RAPGEF1: variants seen among roughly 807,000 people sequenced by gnomAD.
RAPGEF1 encodes the protein Rap guanine nucleotide exchange factor 1, also known as CRK SH3-binding GNRP.
RAPGEF1 carries 33 observed loss-of-function variants against 143.3 expected under a neutral mutation model. The ratio of observed to expected loss-of-function variants is 0.23; its 90% confidence interval spans 0.17 to 0.31. The LOEUF (loss-of-function observed/expected upper bound fraction) is 0.31, where lower values mean the gene tolerates loss of function less well. RAPGEF1 is among the 10% of genes least tolerant of loss of function. The pLI, the probability that RAPGEF1 is intolerant of heterozygous loss-of-function variation, is 1.00. For missense variants in RAPGEF1, 1,199 were observed against 1,645.4 expected (o/e 0.73, Z 4.69); for synonymous variants, 629 against 676.5 (o/e 0.93, Z 1.09).
intron 16 of RAPGEF1, among the ~76,000 whole-genome samples, chr9:131,596,904 C>T (rs1406004871): frequency 6.6e-6 from 1 of 152,226 alleles, no homozygotes; most frequent in East Asian, 1.9e-4. Flanking sequence ...CAAGGTTCTT[C>T]TGTGGGGCCC....
rs986046271 is a variant in RAPGEF1, at chr9:131,675,219, C to T, written c.62-24270G>A. 1.3e-5 allele frequency among the ~76,000 whole-genome samples: 2 copies of T among 152,080 alleles called. No homozygotes were observed. Among genetic ancestry groups the T allele is most frequent in the Non-Finnish European group, 2.9e-5 (2 of 68,014 alleles). ...CTGTATTTCTCGTGGGGATGAGGCA[C>T]GGACCGAGGGGAAAATGCTCCCAGC... On this transcript the variant is annotated intron_variant, in intron 1 of 26. Transcript: ENST00000683357. The surrounding 1 kb of genome is among the most constrained non-coding windows in gnomAD (Gnocchi z 4.6).
intron 1 of RAPGEF1, among the ~76,000 whole-genome samples, chr9:131,739,016 T>A (rs1432615370): frequency 6.6e-6 from 1 of 152,172 alleles, no homozygotes; most frequent in Non-Finnish European, 1.5e-5. Context: ...AATTCGCATT[T>A]GCCCTGCAAG....
Position 131,579,372 on chromosome 9 carries a change from C to T in RAPGEF1, c.*125G>A. 1 of 1,361,784 alleles carries T rather than the reference C, an allele frequency of 7.3e-7. No individual in the cohort carries two copies. Among genetic ancestry groups the T allele is most frequent in the Admixed American group, 2.3e-5 (1 of 43,834 alleles). The allele number at this position is 1,361,784 out of a possible 1,614,324, so 84.4% of individuals were successfully genotyped here. A position where few individuals can be genotyped will look rare whatever the true frequency, so the allele number is the denominator to read the frequency against. On this transcript the variant is annotated 3_prime_UTR_variant, in exon 27 of 27. Coordinates refer to ENST00000683357, the MANE Select transcript of RAPGEF1 (RefSeq NM_001377935.1). Reference sequence around the variant, plus strand: ...AGCTCCCGCCCGGCCCCGCTGAGGGCTGGCCAGCCTCATGGCTCCGAGGCC... The same window carrying T: ...AGCTCCCGCCCGGCCCCGCTGAGGGTTGGCCAGCCTCATGGCTCCGAGGCC...
At position 131,584,490 on chromosome 9, in the gene RAPGEF1, G is replaced by A; in HGVS notation, c.3312+28C>T. ...TCCCAGAGCAGGGACTGATGATGGG[G>A]GCCTGGGAAGGACTTGGCCACCATT... On this transcript the variant is annotated intron_variant, in intron 23 of 26. Transcript: ENST00000683357. The surrounding 1 kb of genome is among the most constrained non-coding windows in gnomAD (Gnocchi z 6.8). 1.2e-6 allele frequency: 2 copies of A among 1,613,508 alleles called. No individual in the cohort carries two copies. Among genetic ancestry groups the A allele is most frequent in the Non-Finnish European group, 1.7e-6 (2 of 1,179,414 alleles).
At chr9:131,643,039 G>T (rs950221212) in intron 4 of RAPGEF1, among the ~76,000 whole-genome samples, 200 bp downstream of exon 4, 1 of 152,188 alleles carries the variant, frequency 6.6e-6, no homozygotes, top group African/African-American at 2.4e-5. Flanking sequence ...TGTGTCCCGG[G>T]CTTCAGGAGT....
At chr9:131,580,622 G>A (rs1186184627) in intron 25 of RAPGEF1, among the ~76,000 whole-genome samples, 1 of 152,182 alleles carries the variant, frequency 6.6e-6, no homozygotes, top group Non-Finnish European at 1.5e-5. Context: ...CTGATGAGGA[G>A]CCTGAGGGTG....
chr9:131,619,002 C>T (rs375820412), intron 12 of RAPGEF1, 49 bp downstream of exon 12: 132 of 1,320,024 alleles, frequency 1.0e-4, no homozygotes, highest in South Asian at 3.5e-4. Flanking sequence ...TTCCAAGGAA[C>T]GGCCCTGTTC....
intron 1 of RAPGEF1, among the ~76,000 whole-genome samples, chr9:131,681,865 T>C (rs1056606876): frequency 1.6e-4 from 25 of 152,154 alleles, no homozygotes; most frequent in Admixed American, 2.0e-4. Context: ...GAACCATACG[T>C]TGATTTTATA....
At chr9:131,647,783 C>T (rs1326140251) in intron 3 of RAPGEF1, among the ~76,000 whole-genome samples, 1 of 152,076 alleles carries the variant, frequency 6.6e-6, no homozygotes, top group Non-Finnish European at 1.5e-5. Context: ...GGGTAACATT[C>T]CTTCTTGGGT....
chr9:131,586,795 AAC>A (rs71372752), intron 22 of RAPGEF1, among the ~76,000 whole-genome samples: 68 of 20,368 alleles, frequency 3.3e-3, no homozygotes, highest in East Asian at 9.4e-3. Context: ...GACTCCGTCA[AAC>A]ACACACACAC....
At chr9:131,734,595 T>C (rs1019435793) in intron 1 of RAPGEF1, among the ~76,000 whole-genome samples, 3 of 152,162 alleles carry the variant, frequency 2.0e-5, no homozygotes, top group Non-Finnish European at 4.4e-5. Context: ...GAGTATACTT[T>C]GACGACAAAA....
intron 1 of RAPGEF1, among the ~76,000 whole-genome samples, chr9:131,700,774 C>T (rs1206070668): frequency 2.0e-5 from 3 of 152,102 alleles, no homozygotes; most frequent in African/African-American, 7.2e-5. Flanking sequence ...AGATGGAGAC[C>T]TGAATGTGTG....
chr9:131,712,640 A>T (rs1835589701), intron 1 of RAPGEF1, among the ~76,000 whole-genome samples: 1 of 152,224 alleles, frequency 6.6e-6, no homozygotes, highest in South Asian at 2.1e-4. Flanking sequence ...ACCTGGGCTC[A>T]GGTGTGCCCT....
chr9:131,709,609 G>A (rs1835362123), intron 1 of RAPGEF1: 1 of 1,613,112 alleles, frequency 6.2e-7, no homozygotes, highest in Non-Finnish European at 8.5e-7. Flanking sequence ...GGAAGCCCAG[G>A]GCTTTCTTAC....
rs1302916687 is a variant in RAPGEF1, at chr9:131,584,840, T to C, written c.3234-244A>G. The stretch of plus-strand genomic sequence containing the variant: ...ATCTGGTGACCATAAGGAAATCTGG[T>C]GAAGGCCCAAAGGGGGCTTCGAATC... On this transcript the variant is annotated intron_variant, in intron 22 of 26. Coordinates refer to ENST00000683357, the MANE Select transcript of RAPGEF1 (RefSeq NM_001377935.1). This position sits in a 1 kb window ranked among gnomAD's most constrained non-coding sequence, Gnocchi z 6.8. Among the ~76,000 whole-genome samples, 3 of 152,178 alleles carry C rather than the reference T, an allele frequency of 2.0e-5. No homozygotes were observed. Among genetic ancestry groups the C allele is most frequent in the Non-Finnish European group, 4.4e-5 (3 of 68,034 alleles).
At position 131,675,956 on chromosome 9, in the gene RAPGEF1, T is replaced by C. The variant is rs967832296; in HGVS notation, c.62-25007A>G. 4.0e-5 allele frequency among the ~76,000 whole-genome samples: 6 copies of C among 151,844 alleles called. No homozygotes were observed. Among genetic ancestry groups the C allele is most frequent in the Non-Finnish European group, 8.8e-5 (6 of 67,980 alleles). ...TCGCCCTGTGGCCCAGGCTGGAGTG[T>C]AGTGGCATGGTCGTAGCTCACTACA... On this transcript the variant is annotated intron_variant, in intron 1 of 26. Transcript: ENST00000683357. This position sits in a 1 kb window ranked among gnomAD's most constrained non-coding sequence, Gnocchi z 4.6.
At chr9:131,676,550 C>T (rs4740178) in intron 1 of RAPGEF1, among the ~76,000 whole-genome samples, 5,441 of 152,290 alleles carry the variant, frequency 0.036, 212 homozygotes, top group East Asian at 0.089. Context: ...GTGCAGCTAA[C>T]ACATACCTGG....
Position 131,621,474 on chromosome 9 carries a change from GA to G in RAPGEF1, c.1905+321del, listed in dbSNP as rs1960996134. On this transcript the variant is annotated intron_variant, in intron 11 of 26. Coordinates refer to ENST00000683357, the MANE Select transcript of RAPGEF1 (RefSeq NM_001377935.1). The surrounding 1 kb of genome is among the most constrained non-coding windows in gnomAD (Gnocchi z 4.5). ...GGAGGTCTATGTTGAAGCCAAAGAAGAAAGAAAAAAATACAAGAGACTGTCA... is the reference window on the plus strand; with the variant it reads ...GGAGGTCTATGTTGAAGCCAAAGAAGAAGAAAAAAATACAAGAGACTGTCA... Among the ~76,000 whole-genome samples the G allele has an allele frequency of 6.6e-6, 1 of 152,046 alleles. No individual in the cohort carries two copies. Among genetic ancestry groups the G allele is most frequent in the South Asian group, 2.1e-4 (1 of 4,828 alleles).
chr9:131,605,496 G>A (rs534461314), intron 12 of RAPGEF1, among the ~76,000 whole-genome samples: 3 of 152,272 alleles, frequency 2.0e-5, no homozygotes, highest in Middle Eastern at 3.4e-3. Context: ...TAAAACCTGC[G>A]TGGCCCATCG....
Sources: allele counts gnomAD v4.1 joint callset (sites outside exome capture counted in the v4.1 genomes callset), GRCh38; gene constraint gnomAD v4.1.1; non-coding constraint Gnocchi (gnomAD v3.1); transcripts MANE v1.5; gene names NCBI Gene and HGNC (gene_info 2026-07-23, HGNC 2026-07-21).